Variants in RDX observed in about 807,000 individuals in gnomAD.
RDX encodes radixin.
RDX carries 32 observed loss-of-function variants against 83.7 expected under a neutral mutation model. That is an observed-to-expected ratio of 0.38 (90% CI 0.29 to 0.51). RDX has a LOEUF of 0.51. Among genes scored for constraint, RDX ranks in the 20% least tolerant of loss-of-function variants. RDX has a pLI of 0.87. For missense variants in RDX, 600 were observed against 689.9 expected, an observed-to-expected ratio of 0.87 and a Z score of 1.46; for synonymous variants, 229 against 222.7, an observed-to-expected ratio of 1.03 and a Z score of -0.25.
chr11:110,243,762 T>C lies in RDX; in HGVS notation c.1090+3941A>G, dbSNP rs886379046. ...GCAATATAAATGTCCAAAAAGCACA[T>C]AGAAAGACACTCAACGTCACCAGGT... On this transcript the variant is annotated intron_variant, in intron 10 of 13. Coordinates refer to ENST00000645495, the MANE Select transcript of RDX (RefSeq NM_002906.4). Among the ~76,000 whole-genome samples, 11 of 151,648 alleles carry C rather than the reference T, an allele frequency of 7.3e-5. 1 individual carries two copies. The highest frequency in any genetic ancestry group is 6.8e-3 in the Middle Eastern group (2 of 294).
intron 1 of RDX, among the ~76,000 whole-genome samples, chr11:110,289,953 T>C: frequency 5.4e-5 from 1 of 18,520 alleles, no homozygotes; most frequent in East Asian, 1.3e-3. Flanking sequence ...AGTGAGACTG[T>C]CTCAAAAAAA....
At chr11:110,233,577 G>A in intron 12 of RDX, 98 bp from the exon 13 acceptor site, 1 of 1,332,836 alleles carries the variant, frequency 7.5e-7, no homozygotes, top group Non-Finnish European at 1.0e-6. Flanking sequence ...TGTATTTCAA[G>A]GTAATGAAAA....
intron 15 of RDX, among the ~76,000 whole-genome samples, chr11:110,176,074 CTTTTTCTT>C (rs112239146): frequency 2.4e-4 from 35 of 147,966 alleles, no homozygotes; most frequent in African/African-American, 8.5e-4. Context: ...GCCTTTTTTT[CTTTTTCTT>C]TTTTTCTTTT....
At chr11:110,247,878 T>C (rs1591148766) in intron 9 of RDX, 45 bp from the exon 10 acceptor site, 1 of 1,531,004 alleles carries the variant, frequency 6.5e-7, no homozygotes, top group East Asian at 2.5e-5. Flanking sequence ...TACACAAAAA[T>C]ATTATTCATG....
intron 1 of RDX, among the ~76,000 whole-genome samples, chr11:110,291,266 G>A (rs1371088789): frequency 1.3e-5 from 2 of 152,128 alleles, no homozygotes; most frequent in African/African-American, 4.8e-5. Flanking sequence ...TCAAAGCCCT[G>A]GAGTTCGTGG....
chr11:110,198,456 C>T lies in RDX; in HGVS notation c.*31+1125G>A, dbSNP rs186104412. ...CAATCCCTGGGCCGAGGACCAGTAC[C>T]GGCGTGTGGCCTGTTAGGAACTGGG... On this transcript the variant is annotated intron_variant, in intron 15 of 15. Transcript: ENST00000528498. 2.7e-3 allele frequency among the ~76,000 whole-genome samples: 406 copies of T among 152,264 alleles called. 3 individuals carry two copies. Among genetic ancestry groups the T allele is most frequent in the African/African-American group, 9.5e-3 (393 of 41,538 alleles).
chr11:110,286,488 C>T (rs1463790005), intron 1 of RDX, among the ~76,000 whole-genome samples: 1 of 152,236 alleles, frequency 6.6e-6, no homozygotes, highest in Non-Finnish European at 1.5e-5. Flanking sequence ...TCTGTTAGGT[C>T]AGTGGCACAA....
At chr11:110,247,677 T>A (rs773206451) in intron 10 of RDX, 26 bp downstream of exon 10, 8 of 1,606,400 alleles carry the variant, frequency 5.0e-6, no homozygotes, top group Non-Finnish European at 6.8e-6. Flanking sequence ...TAATTTTTAA[T>A]CCATTTTCAA....
intron 1 of RDX, 53 bp from the exon 2 acceptor site, chr11:110,279,809 T>G: frequency 3.1e-6 from 2 of 651,502 alleles, no homozygotes; most frequent in Non-Finnish European, 5.3e-6. Flanking sequence ...AGGTTTCTAT[T>G]TTAACTATAA....
intron 10 of RDX, 191 bp from the exon 11 acceptor site, chr11:110,237,843 C>T (rs1428812864): frequency 1.5e-6 from 1 of 682,372 alleles, no homozygotes; most frequent in Non-Finnish European, 2.6e-6. Flanking sequence ...AGTGCAGAAG[C>T]TCACTGCAGC....
In RDX at chr11:110,231,741, T is replaced by C. The variant is rs1444289745; in HGVS notation, c.*128A>G. Reference sequence around the variant, plus strand: ...AAGAGCTCCCCTTAAATTTGTCTTTTAGCTAGCACAGTCAAACTGGTGTAA... The same window carrying C: ...AAGAGCTCCCCTTAAATTTGTCTTTCAGCTAGCACAGTCAAACTGGTGTAA... On this transcript the variant is annotated 3_prime_UTR_variant, in exon 14 of 14. Coordinates refer to ENST00000645495, the MANE Select transcript of RDX (RefSeq NM_002906.4). The C allele has an allele frequency of 2.0e-6, 2 of 1,009,006 alleles. No individual in the cohort carries two copies. The highest frequency in any genetic ancestry group is 1.6e-5 in the African/African-American group (1 of 63,374). The allele number at this position is 1,009,006 out of a possible 1,614,324, so 62.5% of individuals were successfully genotyped here. A position where few individuals can be genotyped will look rare whatever the true frequency, so the allele number is the denominator to read the frequency against.
Position 110,264,221 on chromosome 11 carries a change from T to C in RDX, c.206A>G (p.Asp69Gly). The C allele has an allele frequency of 6.2e-7, 1 of 1,604,082 alleles. No individual in the cohort carries two copies. The highest frequency in any genetic ancestry group is 1.3e-5 in the African/African-American group (1 of 74,456). ...LKLNKKVTQQ[D>G]VKKENPLQFK... ...CTGTAAAGGATTCTCTTTTTTAACATCCTGCTGTGTTACCTGGAAAAATAA... is the reference window on the plus strand; with the variant it reads ...CTGTAAAGGATTCTCTTTTTTAACACCCTGCTGTGTTACCTGGAAAAATAA... Residue 69 changes from aspartate to glycine, a missense_variant, in exon 5 of 14, where the codon GAT becomes GGT. Coordinates refer to ENST00000645495, the MANE Select transcript of RDX (RefSeq NM_002906.4).
chr11:110,288,783 T>G (rs1036516126), intron 1 of RDX, among the ~76,000 whole-genome samples: 4 of 152,254 alleles, frequency 2.6e-5, no homozygotes, highest in Non-Finnish European at 5.9e-5. Context: ...AAATGTCTGT[T>G]GATTTTGTTG....
At chr11:110,254,909 A>G (rs964986415) in intron 8 of RDX, among the ~76,000 whole-genome samples, 2 of 152,238 alleles carry the variant, frequency 1.3e-5, no homozygotes, top group African/African-American at 4.8e-5. Flanking sequence ...TTACAAAAAT[A>G]CAAAGTTCAT....
rs762920481 is a variant in RDX at position 110,254,006 on chromosome 11, A to G, written c.899T>C (p.Ile300Thr). ...CTGAGCCTTCATCTGTTGTACTTCA[A>G]TAGTATCAGGCTTCCTTCTTCGCAT... ...LYMRRRKPDT[I>T]EVQQMKAQAR... The change falls in exon 9 of 14, where the codon ATT becomes ACT. Residue 300 changes from isoleucine to threonine, a missense_variant. Transcript: ENST00000645495. The G allele has an allele frequency of 6.2e-7, 1 of 1,613,788 alleles. No individual in the cohort carries two copies. Among genetic ancestry groups the G allele is most frequent in the Non-Finnish European group, 8.5e-7 (1 of 1,179,870 alleles).
chr11:110,180,279 C>T (rs903816750), intron 15 of RDX, among the ~76,000 whole-genome samples: 17 of 82,110 alleles, frequency 2.1e-4, no homozygotes, highest in Non-Finnish European at 4.4e-4. Flanking sequence ...TCCTTCAGCG[C>T]TCATCATGCT....
intron 1 of RDX, among the ~76,000 whole-genome samples, chr11:110,286,009 C>T (rs1029638385): frequency 7.2e-5 from 11 of 151,814 alleles, no homozygotes; most frequent in African/African-American, 2.4e-5. Context: ...TTGTATATTT[C>T]CACTCTTCCC....
intron 3 of RDX, among the ~76,000 whole-genome samples, chr11:110,270,844 A>C (rs1191669488): frequency 6.6e-6 from 1 of 152,226 alleles, no homozygotes; most frequent in Non-Finnish European, 1.5e-5. Context: ...CTTGCTGATT[A>C]GTTTTTGGCT....
intron 4 of RDX, 105 bp from the exon 5 acceptor site, chr11:110,264,339 C>A: frequency 1.3e-6 from 1 of 776,208 alleles, no homozygotes; most frequent in Non-Finnish European, 2.0e-6. Context: ...GAAATAGATT[C>A]TAAATCTATG....
Sources: allele counts gnomAD v4.1 joint callset (sites outside exome capture counted in the v4.1 genomes callset), GRCh38; gene constraint gnomAD v4.1.1; transcripts MANE v1.5; gene names NCBI Gene and HGNC (gene_info 2026-07-23, HGNC 2026-07-21).